The following PNPLA7 variants were observed in gnomAD, a reference collection of about 807,000 sequenced individuals.
PNPLA7 encodes the protein patatin like domain 7, lysophospholipase.
A neutral mutation model predicts 161.7 loss-of-function variants in PNPLA7; 153 were observed. The observed-to-expected ratio is 0.95, with a 90% CI of 0.83 to 1.08. The LOEUF (loss-of-function observed/expected upper bound fraction) is 1.08. PNPLA7 is among the 50% of genes least tolerant of loss of function. The pLI, the probability that PNPLA7 is intolerant of heterozygous loss-of-function variation, is 0.00. For synonymous variants in PNPLA7, 809 were observed against 782.1 expected, an observed-to-expected ratio of 1.03 and a Z score of -0.57; for missense variants, 1,739 against 1,856.6, an observed-to-expected ratio of 0.94 and a Z score of 1.16.
intron 4 of PNPLA7, 100 bp downstream of exon 4, chr9:137,546,730 G>C (rs1588724166): frequency 9.2e-7 from 1 of 1,090,704 alleles, no homozygotes; most frequent in East Asian, 2.4e-5. Flanking sequence ...CACACACCAA[G>C]CACTGCCCAG....
rs1834931308 is a variant in PNPLA7 at position 137,520,548 on chromosome 9, A to C, written c.958-505T>G. Among the ~76,000 whole-genome samples the C allele has an allele frequency of 6.6e-6, 1 of 152,262 alleles. No homozygotes were observed. ...TATGATTTCCAACTGAAATGCACAT[A>C]CTAAAGACTAATGCGTGCTGGGCCT... On this transcript the variant is annotated intron_variant, in intron 10 of 34. Transcript: ENST00000406427. This position sits in a 1 kb window ranked among gnomAD's most constrained non-coding sequence, Gnocchi z 5.2.
rs1318140621 is a variant in PNPLA7, at chr9:137,521,492, T to C, written c.957+144A>G. 9 of 729,290 alleles carry C rather than the reference T, an allele frequency of 1.2e-5. No individual in the cohort carries two copies. The East Asian group carries it at 2.4e-4, about 19-fold the overall frequency. The allele number at this position is 729,290 out of a possible 1,614,324, so 45.2% of individuals were successfully genotyped here. A position where few individuals can be genotyped will look rare whatever the true frequency, so the allele number is the denominator to read the frequency against. On this transcript the variant is annotated intron_variant, in intron 10 of 34. Transcript: ENST00000406427. ...ACAGCACAACCAGCCCCTCCCAAAG[T>C]CCTAATGACCAGCAACTGGGAAGAC...
chr9:137,522,295 C>A (rs578000830), intron 9 of PNPLA7, among the ~76,000 whole-genome samples: 2 of 149,914 alleles, frequency 1.3e-5, no homozygotes, highest in Non-Finnish European at 1.5e-5. Context: ...AGGATGGTCT[C>A]GATCTCCTGA....
chr9:137,493,819 C>A (rs1351138785), intron 19 of PNPLA7, among the ~76,000 whole-genome samples: 1 of 152,242 alleles, frequency 6.6e-6, no homozygotes, highest in African/African-American at 2.4e-5. Context: ...GTGGCTGCCA[C>A]CCTGGAGCCT....
At chr9:137,504,053 GAAGAAGAAGA>G (rs1381442286) in intron 14 of PNPLA7, among the ~76,000 whole-genome samples, 4 of 121,602 alleles carry the variant, frequency 3.3e-5, no homozygotes, top group Admixed American at 8.9e-5. Context: ...AAAGAAGAAG[GAAGAAGAAGA>G]AAGAAGAAGG....
chr9:137,466,931 C>A (rs986889916), intron 26 of PNPLA7, among the ~76,000 whole-genome samples: 1 of 150,294 alleles, frequency 6.7e-6, no homozygotes, highest in African/African-American at 2.5e-5. Flanking sequence ...CTCCCACCAC[C>A]GTCTCCACCA....
Position 137,507,716 on chromosome 9 carries a change from G to A in PNPLA7, c.1226-1633C>T, listed in dbSNP as rs115572089. The stretch of plus-strand genomic sequence containing the variant: ...ATACGGGGGCCAGGCATGGTGGTAT[G>A]CACCTGACAAGAGCAAAACTCCATC... On this transcript the variant is annotated intron_variant, in intron 12 of 34. Transcript: ENST00000406427. Among the ~76,000 whole-genome samples, 1,157 of 145,324 alleles carry A rather than the reference G, an allele frequency of 8.0e-3. 22 individuals carry two copies. Among genetic ancestry groups the A allele is most frequent in the African/African-American group, 0.031 (1,099 of 35,630 alleles).
chr9:137,471,098 A>T (rs1831681776), intron 25 of PNPLA7, among the ~76,000 whole-genome samples: 2 of 152,262 alleles, frequency 1.3e-5, no homozygotes, highest in African/African-American at 4.8e-5. Flanking sequence ...AGAAACAGAA[A>T]GAACGTACAT....
chr9:137,521,645 G>A lies in PNPLA7; in HGVS notation c.948C>T (p.Leu316=). ...LHNYLGLTTE[L]FNAESQAIPL... ...GGTGGTTTTCACTTACAGCGTTGAA[G>A]AGCTCTGTGGTCAGGCCGAGGTAGT... is the stretch of plus-strand genomic sequence containing the variant. Residue 316 remains leucine, a synonymous_variant, in exon 10 of 35, where the codon CTC becomes CTT. Coordinates refer to ENST00000406427, the MANE Select transcript of PNPLA7 (RefSeq NM_001098537.3). 6.2e-7 allele frequency: 1 copy of A among 1,612,794 alleles called. No individual in the cohort carries two copies. Among genetic ancestry groups the A allele is most frequent in the Non-Finnish European group, 8.5e-7 (1 of 1,179,824 alleles).
At chr9:137,518,027 C>T (rs1356053867) in intron 11 of PNPLA7, among the ~76,000 whole-genome samples, 1 of 122,962 alleles carries the variant, frequency 8.1e-6, no homozygotes, top group Admixed American at 7.6e-5. Context: ...CTCACTCACT[C>T]GACTCTGTCC....
intron 14 of PNPLA7, among the ~76,000 whole-genome samples, chr9:137,503,691 A>C (rs1833655798): frequency 6.9e-6 from 1 of 144,602 alleles, no homozygotes; most frequent in Admixed American, 6.9e-5. Context: ...AGGGGAGGGA[A>C]GAAAGAAGGG....
At chr9:137,491,487 G>A (rs1832760375) in intron 20 of PNPLA7, 8 of 981,526 alleles carry the variant, frequency 8.2e-6, no homozygotes, top group Middle Eastern at 5.2e-4. Flanking sequence ...CCGGTAAGTG[G>A]AGAGCGAAGA....
chr9:137,536,686 C>T (rs1038619605), intron 8 of PNPLA7, among the ~76,000 whole-genome samples: 3 of 152,172 alleles, frequency 2.0e-5, no homozygotes, highest in Non-Finnish European at 2.9e-5. Flanking sequence ...TCCATGAAGT[C>T]GAAAGAACCG....
At chr9:137,475,010 C>CAAAAAAAAAAAAAAAAAAA (rs58417100) in intron 25 of PNPLA7, among the ~76,000 whole-genome samples, 9 of 63,616 alleles carry the variant, frequency 1.4e-4, no homozygotes, top group African/African-American at 5.5e-4. Context: ...GACTCTGCCT[C>CAAAAAAAAAAAAAAAAAAA]AAAAAAAAAA....
chr9:137,528,372 G>A (rs952761477), intron 8 of PNPLA7, among the ~76,000 whole-genome samples: 2 of 152,118 alleles, frequency 1.3e-5, no homozygotes, highest in African/African-American at 4.8e-5. Flanking sequence ...TATGAGCATT[G>A]CCCAGGCTGG....
intron 8 of PNPLA7, among the ~76,000 whole-genome samples, chr9:137,538,363 A>G (rs1357786663): frequency 6.6e-6 from 1 of 151,916 alleles, no homozygotes; most frequent in Non-Finnish European, 1.5e-5. Flanking sequence ...CGGGGAGCAG[A>G]GTGAGCACCC....
intron 18 of PNPLA7, among the ~76,000 whole-genome samples, chr9:137,495,556 G>A (rs10867089): frequency 0.5 from 75,837 of 151,286 alleles, 19,195 homozygotes; most frequent in East Asian, 0.64. Flanking sequence ...CCATTCTCCT[G>A]CCTCAGCCTC....
At chr9:137,489,873 G>A (rs954335847) in intron 20 of PNPLA7, among the ~76,000 whole-genome samples, 2 of 152,186 alleles carry the variant, frequency 1.3e-5, no homozygotes, top group Non-Finnish European at 2.9e-5. Flanking sequence ...ACAATAACGC[G>A]AGGTCTAACA....
At chr9:137,484,439 G>T in intron 21 of PNPLA7, 148 bp downstream of exon 21, 1 of 774,676 alleles carries the variant, frequency 1.3e-6, no homozygotes, top group Non-Finnish European at 1.8e-6. Flanking sequence ...ACAGCTGCCA[G>T]CAATTTGGAA....
Sources: allele counts gnomAD v4.1 joint callset (sites outside exome capture counted in the v4.1 genomes callset), GRCh38; gene constraint gnomAD v4.1.1; non-coding constraint Gnocchi (gnomAD v3.1); transcripts MANE v1.5; gene names NCBI Gene and HGNC (gene_info 2026-07-23, HGNC 2026-07-21).